Variants in GRID2 observed in about 807,000 individuals in gnomAD.
GRID2 encodes glutamate ionotropic receptor delta type subunit 2.
GRID2 carries 33 observed loss-of-function variants against 114.8 expected under a neutral mutation model. The observed-to-expected ratio is 0.29, with a 90% CI of 0.22 to 0.38. The LOEUF (loss-of-function observed/expected upper bound fraction) is 0.38, where lower values mean the gene tolerates loss of function less well. Ranked by LOEUF, GRID2 falls within the 10% of genes least tolerant of loss-of-function variation. The pLI is 1.00. For missense variants in GRID2, 1,184 were observed against 1,257.7 expected, an observed-to-expected ratio of 0.94 and a Z score of 0.89; for synonymous variants, 505 against 449.9, an observed-to-expected ratio of 1.12 and a Z score of -1.55.
intron 1 of GRID2, among the ~76,000 whole-genome samples, chr4:92,520,375 TAA>T (rs35833244): frequency 2.0e-5 from 3 of 150,952 alleles, no homozygotes; most frequent in African/African-American, 4.9e-5. Flanking sequence ...AACATATTGA[TAA>T]AAAAAAACAA....
rs1722110434 is a variant in GRID2, at chr4:92,472,846, G to T, written c.89-117285G>T. Among the ~76,000 whole-genome samples, 5 of 152,122 alleles carry T rather than the reference G, an allele frequency of 3.3e-5. No homozygotes were observed. In the South Asian group the frequency reaches 1.0e-3, roughly 32 times the overall value. The stretch of plus-strand genomic sequence containing the variant: ...AATCCTGTTGTCGACTGTATGATTT[G>T]CATGTATTTTCTCACCCATTTGTGG... On this transcript the variant is annotated intron_variant, in intron 1 of 15. Coordinates refer to ENST00000282020, the MANE Select transcript of GRID2 (RefSeq NM_001510.4).
chr4:92,891,918 A>G (rs1746809553), intron 2 of GRID2, among the ~76,000 whole-genome samples: 1 of 152,194 alleles, frequency 6.6e-6, no homozygotes, highest in Admixed American at 6.5e-5. Flanking sequence ...TTTCTTAAAT[A>G]TTGCATTAAC....
chr4:93,745,314 TA>T (rs1361686677), intron 14 of GRID2, among the ~76,000 whole-genome samples: 1 of 152,104 alleles, frequency 6.6e-6, no homozygotes, highest in Non-Finnish European at 1.5e-5. Context: ...ACAGCAGACT[TA>T]GAAAAAAAGA....
intron 2 of GRID2, among the ~76,000 whole-genome samples, chr4:92,950,929 A>T (rs962707238): frequency 3.3e-5 from 5 of 152,130 alleles, no homozygotes; most frequent in Admixed American, 1.3e-4. Context: ...TTTTCAGATT[A>T]TGTATACTGA....
intron 14 of GRID2, among the ~76,000 whole-genome samples, chr4:93,683,906 A>G (rs1170289308): frequency 1.3e-5 from 2 of 152,088 alleles, no homozygotes; most frequent in Non-Finnish European, 2.9e-5. Flanking sequence ...AAAGCATGAT[A>G]AGGACGACTT....
At chr4:92,981,201 C>CTA (rs771968183) in intron 2 of GRID2, among the ~76,000 whole-genome samples, 9 of 151,636 alleles carry the variant, frequency 5.9e-5, no homozygotes, top group African/African-American at 1.7e-4. Context: ...TGAATTATAC[C>CTA]TATATATATG....
chr4:93,443,543 C>T (rs1721813140), intron 10 of GRID2, among the ~76,000 whole-genome samples: 1 of 151,988 alleles, frequency 6.6e-6, no homozygotes, highest in Admixed American at 6.6e-5. Flanking sequence ...GCCAACTCCA[C>T]AATTTGTTCA....
chr4:92,709,589 AAT>A lies in GRID2; in HGVS notation c.244+119322_244+119323del, dbSNP rs1553919235. On this transcript the variant is annotated intron_variant, in intron 2 of 15. Transcript: ENST00000282020. The stretch of plus-strand genomic sequence containing the variant: ...AGTGTAGAGAAAAAAAAAAAAAAAA[AAT>A]ATATATATATATATATATGTAATTT... Among the ~76,000 whole-genome samples the A allele has an allele frequency of 8.7e-3, 1,002 of 114,580 alleles. 41 individuals are homozygous for A. The highest frequency in any genetic ancestry group is 0.056 in the Middle Eastern group (11 of 196). The allele number at this position is 114,580 out of a possible 152,430, so 75.2% of individuals were successfully genotyped here.
intron 1 of GRID2, among the ~76,000 whole-genome samples, chr4:92,446,534 T>C (rs974734843): frequency 1.3e-5 from 2 of 152,224 alleles, no homozygotes; most frequent in African/African-American, 4.8e-5. Flanking sequence ...ATGGATTCTT[T>C]AGAGGACCTA....
At chr4:93,450,165 A>G (rs1722541199) in intron 10 of GRID2, among the ~76,000 whole-genome samples, 1 of 151,888 alleles carries the variant, frequency 6.6e-6, no homozygotes, top group Admixed American at 6.6e-5. Flanking sequence ...GAGAATGACA[A>G]GTATTTTGAG....
intron 14 of GRID2, among the ~76,000 whole-genome samples, chr4:93,721,453 T>A (rs1378900868): frequency 6.6e-6 from 1 of 152,178 alleles, no homozygotes; most frequent in Non-Finnish European, 1.5e-5. Flanking sequence ...AGCTAAATAT[T>A]CAGATGTAAT....
At chr4:93,507,295 A>G (rs1728729048) in intron 12 of GRID2, among the ~76,000 whole-genome samples, 1 of 152,210 alleles carries the variant, frequency 6.6e-6, no homozygotes, top group African/African-American at 2.4e-5. Flanking sequence ...TTCACTAAGG[A>G]AAAGGAGCTA....
intron 12 of GRID2, among the ~76,000 whole-genome samples, chr4:93,501,688 A>C (rs1486773107): frequency 6.6e-6 from 1 of 152,074 alleles, no homozygotes; most frequent in East Asian, 1.9e-4. Flanking sequence ...AAGTTGTCTC[A>C]CAGTTTGTGG....
intron 2 of GRID2, among the ~76,000 whole-genome samples, chr4:92,850,899 T>G (rs1743732734): frequency 6.6e-6 from 1 of 151,958 alleles, no homozygotes; most frequent in Non-Finnish European, 1.5e-5. Context: ...TTGAAAATTC[T>G]TCATATAATG....
chr4:93,766,653 A>G (rs1366665023), intron 14 of GRID2, among the ~76,000 whole-genome samples: 1 of 152,194 alleles, frequency 6.6e-6, no homozygotes, highest in African/African-American at 2.4e-5. Flanking sequence ...TGCCTTTTAT[A>G]TCTACAAGTA....
chr4:92,307,552 C>T (rs552332886), intron 1 of GRID2, among the ~76,000 whole-genome samples: 39 of 152,146 alleles, frequency 2.6e-4, no homozygotes, highest in Non-Finnish European at 4.6e-4. Flanking sequence ...TTACCTCATG[C>T]CGGTAGTTTA....
At chr4:93,039,788 T>G (rs1339309839) in intron 2 of GRID2, among the ~76,000 whole-genome samples, 1 of 152,180 alleles carries the variant, frequency 6.6e-6, no homozygotes, top group African/African-American at 2.4e-5. Flanking sequence ...TTCAGTTTTC[T>G]CATCTGTACA....
rs368997172 is a variant in GRID2, at chr4:93,080,391, G to C, written c.245-4604G>C. 2.6e-5 allele frequency among the ~76,000 whole-genome samples: 4 copies of C among 152,100 alleles called. No individual in the cohort carries two copies. In the South Asian group the frequency reaches 8.3e-4, roughly 31 times the overall value. On this transcript the variant is annotated intron_variant, in intron 2 of 15. Transcript: ENST00000282020. ...AAGATTATTGAAAAAATAATAAAAA[G>C]TCAACAAATATTAGATGTTCTGCAA...
chr4:93,806,711 A>G (rs749796599), intron 1 of GRID2: 5 of 152,210 alleles, frequency 3.3e-5, no homozygotes, highest in Admixed American at 1.3e-4. Flanking sequence ...TTATTTCCCC[A>G]CAGGCTTCAT....
Sources: gnomAD v4.1 joint callset for allele counts (sites outside exome capture counted in the v4.1 genomes callset) on GRCh38, gnomAD v4.1.1 for gene constraint, MANE v1.5 for transcripts, NCBI Gene and HGNC (gene_info 2026-07-23, HGNC 2026-07-21) for gene names.